Variants in FBXL20 observed in about 807,000 individuals in gnomAD.
The protein encoded by FBXL20 is F-box and leucine rich repeat protein 20, also known as F-box/LRR-repeat protein 20.
FBXL20 carries 11 observed loss-of-function variants against 64.0 expected under a neutral mutation model. That is an observed-to-expected ratio of 0.17 (90% CI 0.11 to 0.28). FBXL20 has a LOEUF of 0.28. FBXL20 is among the 10% of genes least tolerant of loss of function. The pLI, the probability that FBXL20 is intolerant of heterozygous loss-of-function variation, is 1.00. For synonymous variants in FBXL20, 184 were observed against 189.0 expected, an observed-to-expected ratio of 0.97 and a Z score of 0.22; for missense variants, 303 against 526.2, an observed-to-expected ratio of 0.58 and a Z score of 4.15.
At chr17:39,387,858 G>A (rs750710864) in intron 1 of FBXL20, among the ~76,000 whole-genome samples, 3 of 152,090 alleles carry the variant, frequency 2.0e-5, no homozygotes, top group Admixed American at 6.6e-5. Flanking sequence ...GGTTACAGGC[G>A]TGAGTGACCG....
chr17:39,361,740 T>C (rs2047796691), intron 1 of FBXL20, among the ~76,000 whole-genome samples: 1 of 151,826 alleles, frequency 6.6e-6, no homozygotes, highest in Non-Finnish European at 1.5e-5. Context: ...GAGTTTGCAG[T>C]GAGCCGAGAT....
At chr17:39,333,637 G>C (rs932145012) in intron 2 of FBXL20, among the ~76,000 whole-genome samples, 1 of 150,884 alleles carries the variant, frequency 6.6e-6, no homozygotes, top group Non-Finnish European at 1.5e-5. Context: ...CCCTCTGCCC[G>C]GCTGCCCAGT....
At chr17:39,275,515 G>A (rs554799437) in intron 9 of FBXL20, among the ~76,000 whole-genome samples, 5 of 152,104 alleles carry the variant, frequency 3.3e-5, no homozygotes, top group South Asian at 2.1e-4. Context: ...AGGTTCAAGC[G>A]ATTCTCGTGC....
At chr17:39,337,345 C>A (rs146781981) in intron 2 of FBXL20, among the ~76,000 whole-genome samples, 32,467 of 151,858 alleles carry the variant, frequency 0.21, 3,965 homozygotes, top group African/African-American at 0.33. Flanking sequence ...ACAACCTCCA[C>A]CTCCCAGCCG....
chr17:39,317,689 G>GTTTTTTTTTTT (rs756785816), intron 2 of FBXL20, among the ~76,000 whole-genome samples: 9 of 47,136 alleles, frequency 1.9e-4, no homozygotes, highest in African/African-American at 9.5e-4. Context: ...TTTTTTTTTT[G>GTTTTTTTTTTT]TTTTTTTTTT....
chr17:39,268,652 T>G (rs1158840289), intron 12 of FBXL20, among the ~76,000 whole-genome samples, 175 bp downstream of exon 12: 1 of 152,198 alleles, frequency 6.6e-6, no homozygotes, highest in Non-Finnish European at 1.5e-5. Flanking sequence ...TCCACAGTTC[T>G]GCAACACATA....
chr17:39,368,219 T>C (rs1303333365), intron 1 of FBXL20, among the ~76,000 whole-genome samples: 3 of 152,094 alleles, frequency 2.0e-5, no homozygotes, highest in Admixed American at 1.3e-4. Flanking sequence ...CGAGAACTTA[T>C]CTCTACAAAA....
intron 12 of FBXL20, 110 bp downstream of exon 12, chr17:39,268,717 G>T (rs535205772): frequency 6.4e-5 from 54 of 849,470 alleles, no homozygotes; most frequent in Non-Finnish European, 8.2e-5. Context: ...CTGCAATGCT[G>T]TCAGGCACTA....
Position 39,326,085 on chromosome 17 carries a change from C to A in FBXL20, c.104+17095G>T, listed in dbSNP as rs376128174. Among the ~76,000 whole-genome samples the A allele has an allele frequency of 3.3e-5, 5 of 152,068 alleles. No individual in the cohort carries two copies. In the East Asian group the frequency reaches 7.7e-4, roughly 23 times the overall value. On this transcript the variant is annotated intron_variant, in intron 2 of 14. Coordinates refer to ENST00000264658, the MANE Select transcript of FBXL20 (RefSeq NM_032875.3). ...CTGGGACTTCCCTCTTTTCTCTCTTCCTCTCTTGCCATGTGATAAGCAAGC... is the reference window on the plus strand; with the variant it reads ...CTGGGACTTCCCTCTTTTCTCTCTTACTCTCTTGCCATGTGATAAGCAAGC...
At chr17:39,382,655 G>A (rs796081662) in intron 1 of FBXL20, among the ~76,000 whole-genome samples, 47 of 152,014 alleles carry the variant, frequency 3.1e-4, no homozygotes, top group African/African-American at 1.1e-3. Context: ...CAAGATAGGA[G>A]AGCCCACTGC....
chr17:39,363,023 C>A (rs2047814052), intron 1 of FBXL20, among the ~76,000 whole-genome samples: 1 of 151,802 alleles, frequency 6.6e-6, no homozygotes, highest in Non-Finnish European at 1.5e-5. Flanking sequence ...TTATTTGAGA[C>A]AGTTTCACTC....
intron 7 of FBXL20, among the ~76,000 whole-genome samples, chr17:39,283,345 T>G (rs1463426099): frequency 1.3e-5 from 2 of 152,230 alleles, no homozygotes; most frequent in Non-Finnish European, 2.9e-5. Context: ...ATCCCATATC[T>G]GAAAATCTGA....
chr17:39,299,895 G>C (rs998364423), intron 4 of FBXL20, among the ~76,000 whole-genome samples: 2 of 151,864 alleles, frequency 1.3e-5, no homozygotes, highest in Admixed American at 1.3e-4. Flanking sequence ...TCAGGAGTTC[G>C]ATACAAGCCT....
At chr17:39,348,593 G>C (rs980340352) in intron 1 of FBXL20, among the ~76,000 whole-genome samples, 9 of 152,058 alleles carry the variant, frequency 5.9e-5, no homozygotes, top group African/African-American at 2.2e-4. Context: ...TGCCCAGTCA[G>C]GTTCTTCTAA....
At chr17:39,364,465 T>C (rs538293828) in intron 1 of FBXL20, among the ~76,000 whole-genome samples, 1 of 152,178 alleles carries the variant, frequency 6.6e-6, no homozygotes, top group East Asian at 1.9e-4. Flanking sequence ...AAAAATTATC[T>C]GGGCGTGGTG....
At chr17:39,337,137 C>T (rs998331344) in intron 2 of FBXL20, among the ~76,000 whole-genome samples, 8 of 152,230 alleles carry the variant, frequency 5.3e-5, no homozygotes, top group South Asian at 2.1e-4. Flanking sequence ...AGGCGCGCGC[C>T]GCCACGCCTG....
chr17:39,401,300 T>G, intron 1 of FBXL20, 61 bp downstream of exon 1: 1 of 1,610,842 alleles, frequency 6.2e-7, no homozygotes, highest in Non-Finnish European at 8.5e-7. Context: ...GGAGCGGACG[T>G]TTTGGGATTA....
intron 2 of FBXL20, among the ~76,000 whole-genome samples, chr17:39,313,641 T>A (rs893812721): frequency 1.3e-5 from 2 of 151,978 alleles, no homozygotes; most frequent in African/African-American, 2.4e-5. Flanking sequence ...ATTTATTTAT[T>A]TTTACTTTTT....
At chr17:39,300,305 G>GT (rs2047122659) in intron 4 of FBXL20, among the ~76,000 whole-genome samples, 1 of 152,140 alleles carries the variant, frequency 6.6e-6, no homozygotes, top group Non-Finnish European at 1.5e-5. Flanking sequence ...GATTACAGGT[G>GT]TAAGCCATCC....
Sources: gnomAD v4.1 joint callset for allele counts (sites outside exome capture counted in the v4.1 genomes callset) on GRCh38, gnomAD v4.1.1 for gene constraint, MANE v1.5 for transcripts, NCBI Gene and HGNC (gene_info 2026-07-23, HGNC 2026-07-21) for gene names.